Variants in SLC4A5 observed in about 807,000 individuals in gnomAD.
SLC4A5 encodes solute carrier family 4 member 5.
A neutral mutation model predicts 120.4 loss-of-function variants in SLC4A5; 96 were observed. The ratio of observed to expected loss-of-function variants is 0.80; its 90% CI spans 0.68 to 0.94. The LOEUF (loss-of-function observed/expected upper bound fraction) is 0.94, where lower values mean the gene tolerates loss of function less well. Among genes scored for constraint, SLC4A5 ranks in the 40% least tolerant of loss-of-function variants. The pLI is 0.00. For synonymous variants in SLC4A5, 550 were observed against 571.1 expected (o/e 0.96, Z 0.53); for missense variants, 1,259 against 1,459.5 (o/e 0.86, Z 2.24).
chr2:74,260,260 T>C, intron 11 of SLC4A5, among the ~76,000 whole-genome samples: 1 of 152,196 alleles, frequency 6.6e-6, no homozygotes, highest in East Asian at 1.9e-4. Context: ...GTGTCTCGGC[T>C]ATTGGCCTGT....
chr2:74,281,166 C>A (rs761288568), intron 8 of SLC4A5, among the ~76,000 whole-genome samples: 3 of 152,226 alleles, frequency 2.0e-5, no homozygotes, highest in Non-Finnish European at 4.4e-5. Flanking sequence ...CCGGTCACTG[C>A]AGGAACATTC....
chr2:74,327,898 C>A (rs1335064301), intron 5 of SLC4A5, among the ~76,000 whole-genome samples: 2 of 152,106 alleles, frequency 1.3e-5, no homozygotes, highest in African/African-American at 4.8e-5. Context: ...TGGTTTTGCA[C>A]CCAAAAACCT....
intron 8 of SLC4A5, among the ~76,000 whole-genome samples, chr2:74,272,072 C>T (rs1671492011): frequency 6.6e-6 from 1 of 152,130 alleles, no homozygotes; most frequent in Admixed American, 6.5e-5. Flanking sequence ...GAGAAAGACC[C>T]TATCTCTAAA....
chr2:74,222,787 T>G, intron 29 of SLC4A5, 81 bp downstream of exon 29: 21 of 1,252,276 alleles, frequency 1.7e-5, no homozygotes, highest in Non-Finnish European at 2.5e-5. Flanking sequence ...TAGATCCCCC[T>G]GAGTTACAGA....
chr2:74,338,946 C>A (rs1298056240), intron 2 of SLC4A5, 43 bp from the exon 3 acceptor site: 2 of 152,218 alleles, frequency 1.3e-5, no homozygotes, highest in Admixed American at 1.3e-4. Flanking sequence ...AGTTACTCAC[C>A]TCCCTGTGCT....
chr2:74,332,761 G>GAGAGATGA (rs1312219013), intron 4 of SLC4A5, among the ~76,000 whole-genome samples: 6 of 152,088 alleles, frequency 3.9e-5, no homozygotes, highest in African/African-American at 1.4e-4. Context: ...GAAAGAGAGA[G>GAGAGATGA]AGAGATGAGG....
At chr2:74,220,832 ATTTCC>A (rs1694615927) in intron 30 of SLC4A5, among the ~76,000 whole-genome samples, 1 of 87,940 alleles carries the variant, frequency 1.1e-5, no homozygotes, top group South Asian at 3.6e-4. Context: ...TTCTGTCAAT[ATTTCC>A]TTTCTTTTTT....
intron 3 of SLC4A5, among the ~76,000 whole-genome samples, chr2:74,334,455 A>G (rs1279324706): frequency 1.3e-5 from 2 of 152,152 alleles, no homozygotes; most frequent in Non-Finnish European, 2.9e-5. Flanking sequence ...GTATTCAACT[A>G]TTTGGTCAAA....
chr2:74,290,917 G>A (rs1007389148), intron 7 of SLC4A5, among the ~76,000 whole-genome samples: 1 of 152,118 alleles, frequency 6.6e-6, no homozygotes, highest in Non-Finnish European at 1.5e-5. Flanking sequence ...GGGGTAGGAT[G>A]TGCTGTGAGA....
Position 74,227,806 on chromosome 2 carries a change from T to C in SLC4A5, c.2916+4A>G, listed in dbSNP as rs1236928221. The C allele has an allele frequency of 1.9e-6, 3 of 1,606,846 alleles. No individual in the cohort carries two copies. Among genetic ancestry groups the C allele is most frequent in the Non-Finnish European group, 2.5e-6 (3 of 1,176,764 alleles). On this transcript the variant is annotated splice_donor_region_variant and intron_variant, in intron 26 of 30. Coordinates refer to ENST00000394019, the Ensembl canonical transcript of SLC4A5. ...CATGAAGGGATCTGGAGGGAAAGCCTTACCTGGATGCCATTCAGGGAGGCC... is the reference window on the plus strand; with the variant it reads ...CATGAAGGGATCTGGAGGGAAAGCCCTACCTGGATGCCATTCAGGGAGGCC...
intron 27 of SLC4A5, 38 bp downstream of exon 27, chr2:74,226,919 C>A (rs760459106): frequency 1.0e-5 from 16 of 1,598,092 alleles, no homozygotes; most frequent in Non-Finnish European, 1.4e-5. Flanking sequence ...CCCAGGCCAA[C>A]CTGCCAGGCA....
At chr2:74,264,249 G>A (rs758936595) in exon 10 of SLC4A5, 8 of 1,614,036 alleles carry the variant, frequency 5.0e-6, no homozygotes, top group African/African-American at 2.7e-5. Context: ...ACCCTCTCCC[G>A]GAGCTCTGGC....
intron 8 of SLC4A5, among the ~76,000 whole-genome samples, chr2:74,273,543 T>C (rs1412424969): frequency 1.3e-5 from 2 of 152,234 alleles, no homozygotes; most frequent in African/African-American, 4.8e-5. Context: ...CCCAAAAGCT[T>C]GACTTCTGTG....
intron 6 of SLC4A5, among the ~76,000 whole-genome samples, chr2:74,305,594 G>C (rs1672616341): frequency 6.6e-6 from 1 of 151,898 alleles, no homozygotes; most frequent in African/African-American, 2.4e-5. Context: ...ACTTCTATGG[G>C]TTTTGACAAA....
chr2:74,288,548 A>G (rs1289718165), intron 7 of SLC4A5, among the ~76,000 whole-genome samples: 1 of 152,058 alleles, frequency 6.6e-6, no homozygotes, highest in Non-Finnish European at 1.5e-5. Context: ...CTCTTTGAAG[A>G]TTCTCTCTCA....
intron 14 of SLC4A5, 107 bp downstream of exon 14, chr2:74,254,512 A>G: frequency 6.0e-6 from 5 of 833,052 alleles, no homozygotes; most frequent in Non-Finnish European, 1.0e-5. Flanking sequence ...TGCCTGGTAC[A>G]CAGTAGGTGC....
At chr2:74,273,708 G>T (rs756513199) in intron 8 of SLC4A5, among the ~76,000 whole-genome samples, 1 of 152,178 alleles carries the variant, frequency 6.6e-6, no homozygotes, top group Non-Finnish European at 1.5e-5. Context: ...GTCATATCAG[G>T]ATACTGAATT....
rs375804911 is a variant in SLC4A5 at position 74,247,029 on chromosome 2, C to T, written c.2059+7G>A. 5.0e-5 allele frequency: 80 copies of T among 1,612,618 alleles called. No homozygotes were observed. Among genetic ancestry groups the T allele is most frequent in the African/African-American group, 6.7e-5 (5 of 74,870 alleles). On this transcript the variant is annotated splice_region_variant and intron_variant, in intron 19 of 30. Transcript: ENST00000394019. Reference sequence around the variant, plus strand: ...GGGCCCACGGCATGTCTGGGGTTACCGGTCACCTGTGTCAGGGGCGACACA... The same window carrying T: ...GGGCCCACGGCATGTCTGGGGTTACTGGTCACCTGTGTCAGGGGCGACACA...
At chr2:74,314,899 C>T in intron 6 of SLC4A5, 46 bp downstream of exon 6, 1 of 1,540,470 alleles carries the variant, frequency 6.5e-7, no homozygotes, top group South Asian at 1.1e-5. Flanking sequence ...TCAGAGAATT[C>T]TCAGTGCCTC....
Sources: allele counts gnomAD v4.1 joint callset (sites outside exome capture counted in the v4.1 genomes callset), GRCh38; gene constraint gnomAD v4.1.1; transcripts MANE v1.5; gene names NCBI Gene and HGNC (gene_info 2026-07-23, HGNC 2026-07-21).